The following KIF14 variants were observed in gnomAD, a reference collection of about 807,000 sequenced individuals.
KIF14 encodes the protein kinesin-like protein KIF14.
KIF14 carries 98 observed loss-of-function variants against 176.2 expected under a neutral mutation model. That is an observed-to-expected ratio of 0.56 (90% CI 0.47 to 0.66). The LOEUF (loss-of-function observed/expected upper bound fraction) is 0.66. KIF14 is among the 30% of genes least tolerant of loss of function. KIF14 has a pLI of 0.00. For missense variants in KIF14, 1,751 were observed against 1,920.4 expected (o/e 0.91, Z 1.65); for synonymous variants, 566 against 632.2 (o/e 0.90, Z 1.57).
intron 25 of KIF14, among the ~76,000 whole-genome samples, chr1:200,564,228 C>T (rs1657317228): frequency 7.0e-6 from 1 of 143,304 alleles, no homozygotes; most frequent in South Asian, 2.3e-4. Context: ...CCACTGCACT[C>T]CAACCTGGGT....
chr1:200,564,417 A>G (rs539440264), intron 25 of KIF14, among the ~76,000 whole-genome samples: 1 of 152,228 alleles, frequency 6.6e-6, no homozygotes, highest in South Asian at 2.1e-4. Context: ...AGGAGCCTGG[A>G]TCCTGAGGAC....
At chr1:200,617,248 G>A (rs10919983) in intron 2 of KIF14, among the ~76,000 whole-genome samples, 81,313 of 152,058 alleles carry the variant, frequency 0.53, 22,449 homozygotes, top group East Asian at 0.69. Context: ...GATTACAGGC[G>A]TGACCCACCA....
intron 8 of KIF14, among the ~76,000 whole-genome samples, chr1:200,604,810 T>C (rs1489224154): frequency 6.6e-6 from 1 of 152,108 alleles, no homozygotes; most frequent in East Asian, 1.9e-4. Flanking sequence ...TTTATCTGAA[T>C]GGTGGAACCT....
Position 200,618,191 on chromosome 1 carries a change from G to C in KIF14, c.533C>G (p.Ser178Cys). The change falls in exon 2 of 30, where the codon TCT becomes TGT. Residue 178 changes from serine (S) to cysteine (C), a missense_variant. Transcript: ENST00000367350. ...CTGTGGATCTTCATCTAAAGGTACA[G>C]AAGAGGCAACAAAAGAGTTTTTAGC... ...NNAKNSFVAS[S>C]VPLDEDPQVI... is the part of the protein sequence containing the mutation. The C allele has an allele frequency of 6.2e-7, 1 of 1,613,922 alleles. No individual in the cohort carries two copies. The highest frequency in any genetic ancestry group is 8.5e-7 in the Non-Finnish European group (1 of 1,179,930).
In KIF14 at chr1:200,590,279, T is replaced by C. The variant is rs568099769; in HGVS notation, c.2814-7A>G. 3.7e-6 allele frequency: 6 copies of C among 1,609,690 alleles called. No individual in the cohort carries two copies. The highest frequency in any genetic ancestry group is 5.1e-6 in the Non-Finnish European group (6 of 1,178,502). ...TTTTATTTCTGCTTCAAGTCTACAA[T>C]GTAGCAAGATGTTTATAGGGTACAT... On this transcript the variant is annotated splice_region_variant and splice_polypyrimidine_tract_variant and intron_variant, in intron 16 of 29. Coordinates refer to ENST00000367350, the MANE Select transcript of KIF14 (RefSeq NM_014875.3).
At chr1:200,610,435 G>A (rs765354370) in intron 4 of KIF14, among the ~76,000 whole-genome samples, 7 of 151,174 alleles carry the variant, frequency 4.6e-5, no homozygotes, top group South Asian at 2.1e-4. Flanking sequence ...GCATGAACCC[G>A]GGAGGCAGAG....
At chr1:200,606,704 ATT>A in intron 6 of KIF14, 40 bp downstream of exon 6, 1 of 1,527,510 alleles carries the variant, frequency 6.5e-7, no homozygotes, top group Non-Finnish European at 9.1e-7. Flanking sequence ...CACTCTATTC[ATT>A]TGTTTTATCC....
intron 4 of KIF14, 137 bp downstream of exon 4, chr1:200,614,181 A>G (rs781053358): frequency 3.7e-6 from 2 of 537,898 alleles, no homozygotes; most frequent in Admixed American, 3.5e-5. Context: ...TCTCCATACC[A>G]CTGTTCCAAA....
intron 25 of KIF14, among the ~76,000 whole-genome samples, chr1:200,561,316 A>G (rs1007615808): frequency 9.2e-5 from 14 of 151,836 alleles, no homozygotes; most frequent in African/African-American, 3.4e-4. Flanking sequence ...CGAGGCAGGC[A>G]GATCACAAGG....
intron 25 of KIF14, among the ~76,000 whole-genome samples, chr1:200,561,875 GAT>G (rs1327810515): frequency 6.6e-6 from 1 of 152,090 alleles, no homozygotes; most frequent in Non-Finnish European, 1.5e-5. Context: ...AGTTAATAAA[GAT>G]ATGATTTTCT....
chr1:200,618,187 T>C lies in KIF14; in HGVS notation c.537A>G (p.Val179=), dbSNP rs753651538. The change falls in exon 2 of 30, where the codon GTA becomes GTG. Residue 179 remains valine, a synonymous_variant. Coordinates refer to ENST00000367350, the MANE Select transcript of KIF14 (RefSeq NM_014875.3). ...NAKNSFVASS[V]PLDEDPQVIE... is the part of the protein sequence containing the mutation. The stretch of plus-strand genomic sequence containing the variant: ...TGACCTGTGGATCTTCATCTAAAGG[T>C]ACAGAAGAGGCAACAAAAGAGTTTT... 1.2e-6 allele frequency: 2 copies of C among 1,613,992 alleles called. No individual in the cohort carries two copies. The highest frequency in any genetic ancestry group is 2.2e-5 in the South Asian group (2 of 91,076).
rs1440316232 is a variant in KIF14 at position 200,618,086 on chromosome 1, T to C, written c.638A>G (p.Lys213Arg). The change falls in exon 2 of 30, where the codon AAG becomes AGG. Residue 213 changes from lysine to arginine, a missense_variant. Lys to Arg is a conservative substitution (Grantham distance 26). Coordinates refer to ENST00000367350, the MANE Select transcript of KIF14 (RefSeq NM_014875.3). ...AATGGGTGGTCTATTACTTGAGTAC[T>C]TAAGTGCAACATTTTCATTTGCTCT... ...PSRANENVAL[K>R]YSSNRPPIAS... 1.2e-6 allele frequency: 2 copies of C among 1,614,096 alleles called. No homozygotes were observed. Among genetic ancestry groups the C allele is most frequent in the Non-Finnish European group, 1.7e-6 (2 of 1,180,044 alleles).
At chr1:200,613,307 C>T (rs1660249596) in intron 4 of KIF14, among the ~76,000 whole-genome samples, 1 of 152,162 alleles carries the variant, frequency 6.6e-6, no homozygotes, top group Non-Finnish European at 1.5e-5. Flanking sequence ...ACATGCTGCT[C>T]CCTCTCCCTG....
intron 29 of KIF14, among the ~76,000 whole-genome samples, chr1:200,554,169 T>C (rs1451298698): frequency 3.9e-5 from 6 of 152,016 alleles, no homozygotes; most frequent in African/African-American, 1.2e-4. Flanking sequence ...GGTGGGTGAA[T>C]TGTTTGAGGT....
intron 27 of KIF14, 88 bp downstream of exon 27, chr1:200,559,242 G>T: frequency 1.3e-6 from 1 of 786,746 alleles, no homozygotes; most frequent in South Asian, 5.0e-5. Context: ...TAAAACATAT[G>T]AATTTATAGA....
chr1:200,603,607 TATAA>T (rs1363027432), intron 9 of KIF14, among the ~76,000 whole-genome samples: 1 of 152,150 alleles, frequency 6.6e-6, no homozygotes, highest in Non-Finnish European at 1.5e-5. Flanking sequence ...AATGCCTGTC[TATAA>T]ATACTTTTTT....
intron 14 of KIF14, among the ~76,000 whole-genome samples, 158 bp from the exon 15 acceptor site, chr1:200,593,927 GTTTTTTTTTTT>G (rs57476742): frequency 3.0e-5 from 3 of 100,528 alleles, no homozygotes; most frequent in African/African-American, 1.2e-4. Context: ...CCTCCAACTA[GTTTTTTTTTTT>G]TTTTTTTTTT....
At chr1:200,600,294 C>T (rs1659559417) in intron 12 of KIF14, 62 bp downstream of exon 12, 8 of 1,522,944 alleles carry the variant, frequency 5.3e-6, no homozygotes, top group Non-Finnish European at 6.4e-6. Context: ...TCTTGAGGTC[C>T]CTGCCATTCC....
At chr1:200,601,560 T>C (rs1430369828) in intron 11 of KIF14, among the ~76,000 whole-genome samples, 1 of 152,222 alleles carries the variant, frequency 6.6e-6, no homozygotes, top group Non-Finnish European at 1.5e-5. Context: ...AAAACGTCAA[T>C]GGAAGAGAGG....
Sources: gnomAD v4.1 joint callset for allele counts (sites outside exome capture counted in the v4.1 genomes callset) on GRCh38, gnomAD v4.1.1 for gene constraint, MANE v1.5 for transcripts, NCBI Gene and HGNC (gene_info 2026-07-23, HGNC 2026-07-21) for gene names.